The following DPH5 variants were observed in gnomAD, a reference collection of about 807,000 sequenced individuals.
DPH5 encodes the protein diphthine methyl ester synthase.
In DPH5, 31 loss-of-function variants were observed where a neutral mutation model predicts 31.6. The ratio of observed to expected loss-of-function variants is 0.98; its 90% CI spans 0.74 to 1.32. DPH5 has a LOEUF of 1.32. Ranked by LOEUF, DPH5 falls within the 40% of genes most tolerant of loss-of-function variation. DPH5 has a pLI of 0.00. For missense variants in DPH5, 309 were observed against 335.7 expected (o/e 0.92, Z 0.62); for synonymous variants, 120 against 115.0 (o/e 1.04, Z -0.28).
chr1:101,018,238 ATTT>A (rs34464496), intron 3 of DPH5, among the ~76,000 whole-genome samples: 9 of 138,922 alleles, frequency 6.5e-5, no homozygotes, highest in Non-Finnish European at 7.8e-5. Flanking sequence ...ACAAAATTTG[ATTT>A]TTTTTTTTTT....
intron 5 of DPH5, among the ~76,000 whole-genome samples, chr1:101,000,454 A>G (rs1331651977): frequency 1.3e-5 from 2 of 152,214 alleles, no homozygotes; most frequent in Non-Finnish European, 2.9e-5. Context: ...AAAATCAAAC[A>G]TATGTTTTAA....
In DPH5 at chr1:100,995,116, A is replaced by T; in HGVS notation, c.524T>A (p.Leu175Gln). Reference protein sequence around the residue: ...IKVKEQSLENLIKGRKIYEPP... With the variant: ...IKVKEQSLENQIKGRKIYEPP... Reference sequence around the variant, plus strand: ...TCTCAGAATAATAACTTACTTGATTAGATTTTCCAAAGACTGCTCCTTTAC... The same window carrying T: ...TCTCAGAATAATAACTTACTTGATTTGATTTTCCAAAGACTGCTCCTTTAC... The change falls in exon 6 of 8, where the codon CTA becomes CAA. Residue 175 changes from leucine (L) to glutamine (Q), a missense_variant. Leu to Gln is a moderately radical substitution (Grantham distance 113). Transcript: ENST00000370109. The T allele has an allele frequency of 6.3e-7, 1 of 1,576,140 alleles. No individual in the cohort carries two copies. The highest frequency in any genetic ancestry group is 8.7e-7 in the Non-Finnish European group (1 of 1,146,626).
At chr1:101,006,570 C>T (rs1659245645) in intron 4 of DPH5, among the ~76,000 whole-genome samples, 2 of 152,046 alleles carry the variant, frequency 1.3e-5, no homozygotes, top group Non-Finnish European at 2.9e-5. Context: ...TAAAATCTAG[C>T]TTAATACAAA....
intron 3 of DPH5, among the ~76,000 whole-genome samples, chr1:101,019,178 A>C (rs1262396174): frequency 3.3e-5 from 5 of 152,150 alleles, no homozygotes; most frequent in Non-Finnish European, 7.4e-5. Context: ...GAGACTGTCA[A>C]CTCTCACAGT....
chr1:100,992,025 G>A (rs1657784926), intron 7 of DPH5, among the ~76,000 whole-genome samples: 1 of 151,852 alleles, frequency 6.6e-6, no homozygotes, highest in South Asian at 2.1e-4. Context: ...TTGAGCCCAG[G>A]AGGTGGAGGC....
At chr1:101,021,592 TA>T (rs1204382407) in intron 3 of DPH5, 48 bp downstream of exon 3, 22 of 1,566,072 alleles carry the variant, frequency 1.4e-5, no homozygotes, top group South Asian at 4.7e-5. Context: ...TCTTACTGAT[TA>T]AAAAAAAGTA....
chr1:101,008,349 T>TCA (rs1659384833), intron 4 of DPH5, among the ~76,000 whole-genome samples: 1 of 152,216 alleles, frequency 6.6e-6, no homozygotes, highest in Admixed American at 6.5e-5. Context: ...TCTTCATACA[T>TCA]CATGGTGTGG....
chr1:101,017,698 T>C (rs1281571602), intron 3 of DPH5, among the ~76,000 whole-genome samples: 1 of 152,168 alleles, frequency 6.6e-6, no homozygotes, highest in Non-Finnish European at 1.5e-5. Context: ...TTTCACCCCA[T>C]GGAGCAGTCA....
intron 4 of DPH5, among the ~76,000 whole-genome samples, chr1:101,008,626 C>A (rs1028800985): frequency 8.5e-5 from 13 of 152,150 alleles, no homozygotes; most frequent in African/African-American, 3.1e-4. Context: ...GCCAAGGTTT[C>A]TTTGGTATTT....
At chr1:101,018,428 G>A (rs1660232534) in intron 3 of DPH5, among the ~76,000 whole-genome samples, 1 of 151,784 alleles carries the variant, frequency 6.6e-6, no homozygotes, top group Non-Finnish European at 1.5e-5. Context: ...TAGTAGAGAT[G>A]GGGTTTCGCC....
intron 5 of DPH5, among the ~76,000 whole-genome samples, chr1:100,999,698 G>A (rs1362917820): frequency 6.6e-6 from 1 of 151,898 alleles, no homozygotes; most frequent in Non-Finnish European, 1.5e-5. Flanking sequence ...AATTAGCCGG[G>A]TGTGGTGTCA....
intron 5 of DPH5, among the ~76,000 whole-genome samples, 186 bp downstream of exon 5, chr1:101,001,281 G>A (rs1434074892): frequency 6.6e-6 from 1 of 152,206 alleles, no homozygotes; most frequent in East Asian, 1.9e-4. Flanking sequence ...AAATAGCCAT[G>A]TGGTACTTGA....
chr1:101,010,314 T>C (rs1659528626), intron 4 of DPH5, among the ~76,000 whole-genome samples: 1 of 152,220 alleles, frequency 6.6e-6, no homozygotes, highest in Admixed American at 6.5e-5. Context: ...TGGTAGAGAA[T>C]TTTATTTTAT....
chr1:100,997,847 CT>C lies in DPH5; in HGVS notation c.491-2699del, dbSNP rs148465237. Among the ~76,000 whole-genome samples the C allele has an allele frequency of 6.3e-3, 960 of 152,240 alleles. 16 individuals carry two copies. Among genetic ancestry groups the C allele is most frequent in the African/African-American group, 0.02 (834 of 41,520 alleles). Reference sequence around the variant, plus strand: ...TACATCTACTTCTTTAGCAAAAGTCCTTTTAAAAATTATCCTTCGCCCGTCA... The same window carrying C: ...TACATCTACTTCTTTAGCAAAAGTCCTTTAAAAATTATCCTTCGCCCGTCA... On this transcript the variant is annotated intron_variant, in intron 5 of 7. Transcript: ENST00000370109.
intron 3 of DPH5, among the ~76,000 whole-genome samples, chr1:101,019,104 C>T (rs1005291218): frequency 1.3e-5 from 2 of 152,188 alleles, no homozygotes; most frequent in African/African-American, 4.8e-5. Context: ...TAAAACAGAA[C>T]CATCATTAGA....
At chr1:101,010,435 A>G (rs1414334813) in intron 4 of DPH5, among the ~76,000 whole-genome samples, 1 of 152,224 alleles carries the variant, frequency 6.6e-6, no homozygotes, top group Non-Finnish European at 1.5e-5. Context: ...GTGATAAACA[A>G]AAATTTTCTG....
chr1:100,991,788 C>CAAAAACAAAAAA (rs1657748607), intron 7 of DPH5, among the ~76,000 whole-genome samples: 1 of 101,066 alleles, frequency 9.9e-6, no homozygotes, highest in Non-Finnish European at 2.0e-5. Context: ...GACCCCATCT[C>CAAAAACAAAAAA]AAAAAAAAAA....
At chr1:101,015,597 C>T (rs1201542670) in intron 3 of DPH5, among the ~76,000 whole-genome samples, 1 of 152,182 alleles carries the variant, frequency 6.6e-6, no homozygotes, top group East Asian at 1.9e-4. Context: ...TCACCAGCTG[C>T]ATTAGCCCTA....
At chr1:100,996,457 C>T (rs755209549) in intron 5 of DPH5, among the ~76,000 whole-genome samples, 6 of 152,146 alleles carry the variant, frequency 3.9e-5, no homozygotes, top group Non-Finnish European at 4.4e-5. Context: ...AGCCAGACCC[C>T]GCATTACTTT....
Sources: allele counts gnomAD v4.1 joint callset (sites outside exome capture counted in the v4.1 genomes callset), GRCh38; gene constraint gnomAD v4.1.1; transcripts MANE v1.5; gene names NCBI Gene and HGNC (gene_info 2026-07-23, HGNC 2026-07-21).